The following BEST1 variants were observed in gnomAD, a reference collection of about 807,000 sequenced individuals.
The protein encoded by BEST1 is bestrophin-1.
Under a neutral mutation model 63.3 loss-of-function variants are expected in BEST1, and 58 were observed. That is an observed-to-expected ratio of 0.92 (90% confidence interval 0.74 to 1.14). BEST1 has a LOEUF of 1.14. Among genes scored for constraint, BEST1 ranks in the 50% most tolerant of loss-of-function variants. The pLI is 0.00. For synonymous variants in BEST1, 283 were observed against 291.6 expected (o/e 0.97, Z 0.30); for missense variants, 671 against 740.1 (o/e 0.91, Z 1.08).
At chr11:61,959,801 A>C (rs754984326) in intron 8 of BEST1, 91 bp from the exon 9 acceptor site, 2 of 1,552,106 alleles carry the variant, frequency 1.3e-6, no homozygotes, top group Admixed American at 3.7e-5. Context: ...AGGTCCAGAG[A>C]GAGGGAGAGA....
chr11:61,955,479 G>T (rs1489842845), intron 3 of BEST1: 1 of 1,238,592 alleles, frequency 8.1e-7, no homozygotes, highest in Non-Finnish European at 1.1e-6. Context: ...GGAGGGGAGG[G>T]GGTCTGGCGG....
chr11:61,964,223 G>T lies in BEST1; in HGVS notation c.*101G>T. The T allele has an allele frequency of 6.3e-7, 1 of 1,593,706 alleles. No homozygotes were observed. Among genetic ancestry groups the T allele is most frequent in the Non-Finnish European group, 8.5e-7 (1 of 1,170,882 alleles). On this transcript the variant is annotated 3_prime_UTR_variant, in exon 11 of 11. Transcript: ENST00000378043. ...CAGCCATACAGCTGTCCACACTGAA[G>T]AACATGTCCTACAACAGCCTGAATC...
At position 61,962,263 on chromosome 11, in the gene BEST1, A is replaced by G. The variant is rs945086762; in HGVS notation, c.1109A>G (p.Lys370Arg). The G allele has an allele frequency of 6.2e-7, 1 of 1,613,978 alleles. No individual in the cohort carries two copies. Among genetic ancestry groups the G allele is most frequent in the African/African-American group, 1.3e-5 (1 of 74,912 alleles). ...CTCCTGTTTCTTTCCAGCCTGAACA[A>G]AGAGGAGATGGAGTTCCAGCCCAAT... ...MGSTFNISLN[K>R]EEMEFQPNQE... Residue 370 changes from lysine to arginine, a missense_variant, in exon 10 of 11, where the codon AAA (lysine) becomes AGA (arginine). Transcript: ENST00000378043.
At chr11:61,952,984 T>C (rs943656312) in intron 2 of BEST1, among the ~76,000 whole-genome samples, 32 of 151,974 alleles carry the variant, frequency 2.1e-4, no homozygotes, top group African/African-American at 6.8e-4. Flanking sequence ...TTGCCTGTGG[T>C]CCCAGCTACT....
chr11:61,961,777 T>G, intron 9 of BEST1: 1 of 187,344 alleles, frequency 5.3e-6, no homozygotes, highest in South Asian at 9.8e-5. Context: ...AGCTTTCCCT[T>G]GCAGGGTAAA....
chr11:61,957,066 T>G (rs927811985), intron 5 of BEST1, 68 bp downstream of exon 5: 3 of 1,608,588 alleles, frequency 1.9e-6, no homozygotes, highest in African/African-American at 2.7e-5. Flanking sequence ...AAACAAGGTT[T>G]CCTACAAAGA....
At chr11:61,960,350 T>C in intron 9 of BEST1, 1 of 484,442 alleles carries the variant, frequency 2.1e-6, no homozygotes. Flanking sequence ...CGTTAGGACC[T>C]GGCTCTTGTC....
Position 61,959,966 on chromosome 11 carries a change from C to G in BEST1, c.1023C>G (p.Pro341=), listed in dbSNP as rs1801390. 1 of 1,611,790 alleles carries G rather than the reference C, an allele frequency of 6.2e-7. No individual in the cohort carries two copies. The highest frequency in any genetic ancestry group is 8.5e-7 in the Non-Finnish European group (1 of 1,179,180). Reference sequence around the variant, plus strand: ...AGCCGGACATGTACTGGAATAAGCCCGAGCCACAGCCCCCCTACACAGCTG... The same window carrying G: ...AGCCGGACATGTACTGGAATAAGCCGGAGCCACAGCCCCCCTACACAGCTG... ...RMEPDMYWNK[P]EPQPPYTAAS... is the part of the protein sequence containing the mutation. The change falls in exon 9 of 11, where the codon CCC becomes CCG. Residue 341 remains proline (P), a synonymous_variant. Transcript: ENST00000378043.
chr11:61,964,762 T>G (rs187560307), downstream of BEST1: 1 of 1,599,422 alleles, frequency 6.3e-7, no homozygotes, highest in Non-Finnish European at 8.5e-7. Flanking sequence ...AGGGTGTGCT[T>G]GTCAAAGAGA....
chr11:61,953,001 G>A (rs769555595), intron 2 of BEST1, among the ~76,000 whole-genome samples: 40 of 152,060 alleles, frequency 2.6e-4, no homozygotes, highest in Non-Finnish European at 4.0e-4. Context: ...TACTTGGGAA[G>A]CTGAGGTGTG....
intron 9 of BEST1, chr11:61,961,193 T>G (rs576699710): frequency 1.2e-4 from 18 of 152,102 alleles, no homozygotes; most frequent in African/African-American, 3.6e-4. Flanking sequence ...AATTTTTGTA[T>G]TTTTAGTAGA....
At chr11:61,964,694 C>T (rs764201796), downstream of BEST1, 6 of 1,596,158 alleles carry the variant, frequency 3.8e-6, no homozygotes, top group Non-Finnish European at 5.1e-6. Context: ...CCAGGGAAGT[C>T]ACCCCACGGC....
downstream of BEST1, chr11:61,964,606 AAG>A (rs1321634749): frequency 4.5e-6 from 5 of 1,121,898 alleles, no homozygotes; most frequent in Non-Finnish European, 6.5e-6. Flanking sequence ...GTACAAATCA[AAG>A]AACTTAAGTG....
intron 10 of BEST1, chr11:61,963,234 AACTT>A: frequency 1.4e-6 from 2 of 1,389,694 alleles, no homozygotes; most frequent in South Asian, 3.8e-5. Flanking sequence ...CACTGGCCCC[AACTT>A]ACTTTGAGCA....
chr11:61,950,952 A>C (rs112456480), intron 1 of BEST1, among the ~76,000 whole-genome samples: 67 of 152,290 alleles, frequency 4.4e-4, no homozygotes, highest in African/African-American at 1.6e-3. Flanking sequence ...GAAGATCAGC[A>C]GGTGGAAAGG....
At chr11:61,951,110 G>T (rs1226181996) in intron 1 of BEST1, among the ~76,000 whole-genome samples, 1 of 152,210 alleles carries the variant, frequency 6.6e-6, no homozygotes, top group South Asian at 2.1e-4. Flanking sequence ...GGGAGCTAAC[G>T]AACAAGATGG....
rs770176396 is a variant in BEST1 at position 61,955,681 on chromosome 11, G to GGCCCCTC, written c.248-24_248-18dup. ...GGGCCCTGGGCTCTGGCCGCAGCCTGGCCCCTCGCCCCTCGCCCCCCGCCC... is the reference window on the plus strand; with the variant it reads ...GGGCCCTGGGCTCTGGCCGCAGCCTGGCCCCTCGCCCCTCGCCCCTCGCCCCCCGCCC... On this transcript the variant is annotated intron_variant, in intron 3 of 10. Transcript: ENST00000378043. 81 of 1,527,990 alleles carry GGCCCCTC rather than the reference G, an allele frequency of 5.3e-5. No homozygotes were observed. In the East Asian group the frequency reaches 6.9e-4, roughly 13 times the overall value. 94.7% of individuals were successfully genotyped at this position (1,527,990 alleles called of 1,614,324 possible). A position where few individuals can be genotyped will look rare whatever the true frequency, so the allele number is the denominator to read the frequency against.
intron 1 of BEST1, among the ~76,000 whole-genome samples, chr11:61,950,699 A>G (rs971586918): frequency 6.6e-6 from 1 of 152,216 alleles, no homozygotes; most frequent in African/African-American, 2.4e-5. Context: ...AGCGCCTTCT[A>G]CGAGAACACA....
intron 6 of BEST1, among the ~76,000 whole-genome samples, 194 bp from the exon 7 acceptor site, chr11:61,957,952 C>T (rs962586057): frequency 4.7e-5 from 7 of 148,666 alleles, no homozygotes; most frequent in African/African-American, 7.5e-5. Context: ...CCAGCCTGGG[C>T]GACACAGCAA....
Sources: allele counts gnomAD v4.1 joint callset (sites outside exome capture counted in the v4.1 genomes callset), GRCh38; gene constraint gnomAD v4.1.1; transcripts MANE v1.5; gene names NCBI Gene and HGNC (gene_info 2026-07-23, HGNC 2026-07-21).